The following VPS26A variants were observed in gnomAD, a reference collection of about 807,000 sequenced individuals.
The protein encoded by VPS26A is VPS26 retromer complex component A, also known as vacuolar protein sorting-associated protein 26A.
A neutral mutation model predicts 42.4 loss-of-function variants in VPS26A; 22 were observed. That is an observed-to-expected ratio of 0.52 (90% CI 0.37 to 0.74). The LOEUF (loss-of-function observed/expected upper bound fraction) is 0.74, where lower values mean the gene tolerates loss of function less well. Ranked by LOEUF, VPS26A falls within the 30% of genes least tolerant of loss-of-function variation. The pLI is 0.00. For synonymous variants in VPS26A, 110 were observed against 123.5 expected, an observed-to-expected ratio of 0.89 and a Z score of 0.73; for missense variants, 276 against 379.2, an observed-to-expected ratio of 0.73 and a Z score of 2.26.
At chr10:69,167,652 A>G (rs1841719626) in intron 7 of VPS26A, among the ~76,000 whole-genome samples, 1 of 147,760 alleles carries the variant, frequency 6.8e-6, no homozygotes, top group Non-Finnish European at 1.5e-5. Flanking sequence ...CTGAGGCAGG[A>G]GAATTGGATG....
At chr10:69,131,536 C>G (rs916139077) in intron 1 of VPS26A, among the ~76,000 whole-genome samples, 1 of 152,140 alleles carries the variant, frequency 6.6e-6, no homozygotes, top group African/African-American at 2.4e-5. Context: ...AGATCGAGAC[C>G]GTCCTGGCTA....
intron 2 of VPS26A, among the ~76,000 whole-genome samples, chr10:69,137,288 A>T (rs1026848919): frequency 1.3e-5 from 2 of 152,204 alleles, no homozygotes; most frequent in Non-Finnish European, 2.9e-5. Flanking sequence ...TAACAAATTT[A>T]TGTCTTAGGA....
At position 69,143,626 on chromosome 10, in the gene VPS26A, C is replaced by CTAG. The variant is rs1277043502; in HGVS notation, c.153+10581_153+10582insGTA. The stretch of plus-strand genomic sequence containing the variant: ...CACTGTCTTGTTTATCCTGTCTTCT[C>CTAG]TAAGCTAAATATGCTATTTCCTTTA... On this transcript the variant is annotated intron_variant, in intron 2 of 8. Coordinates refer to ENST00000263559, the MANE Select transcript of VPS26A (RefSeq NM_004896.5). Among the ~76,000 whole-genome samples the CTAG allele has an allele frequency of 2.0e-5, 3 of 152,274 alleles. No homozygotes were observed. In the East Asian group the frequency reaches 5.8e-4, roughly 29 times the overall value.
In VPS26A at chr10:69,172,836, G is replaced by A. The variant is rs963391374; in HGVS notation, c.*1567G>A. The A allele has an allele frequency of 1.3e-5, 2 of 152,484 alleles. No homozygotes were observed. Among genetic ancestry groups the A allele is most frequent in the East Asian group, 1.9e-4 (1 of 5,206 alleles). 9.4% of individuals were successfully genotyped at this position (152,484 alleles called of 1,614,324 possible). ...CAGCCTCAAATTGTGCAACCATGAT[G>A]TATAATAAAGAATTTGAAACAGAAA... On this transcript the variant is annotated 3_prime_UTR_variant, in exon 9 of 9. Transcript: ENST00000263559.
In VPS26A at chr10:69,171,540, C is replaced by G; in HGVS notation, c.*271C>G. 3.5e-6 allele frequency: 1 copy of G among 288,808 alleles called. No homozygotes were observed. The highest frequency in any genetic ancestry group is 5.4e-5 in the Admixed American group (1 of 18,358). 17.9% of individuals were successfully genotyped at this position (288,808 alleles called of 1,614,324 possible). A position where few individuals can be genotyped will look rare whatever the true frequency, so the allele number is the denominator to read the frequency against. Reference sequence around the variant, plus strand: ...TAACTTCCTACTTTGATGATAAGCACTCAGATATATATCAGCGTAAACATG... The same window carrying G: ...TAACTTCCTACTTTGATGATAAGCAGTCAGATATATATCAGCGTAAACATG... On this transcript the variant is annotated 3_prime_UTR_variant, in exon 9 of 9. Transcript: ENST00000263559.
chr10:69,132,938 A>C lies in VPS26A; in HGVS notation c.44A>C (p.Asp15Ala). Residue 15 changes from aspartate (D) to alanine (A), a missense_variant, in exon 2 of 9, where the codon GAT becomes GCT. Physicochemically the swap from Asp to Ala is moderately radical, Grantham distance 126. Transcript: ENST00000263559. Reference sequence around the variant, plus strand: ...TTTTTTGGTCCAATTTGTGAGATCGATATTGTTCTTAATGATGGGGAAACC... The same window carrying C: ...TTTTTTGGTCCAATTTGTGAGATCGCTATTGTTCTTAATGATGGGGAAACC... Reference protein sequence around the residue: ...GGFFGPICEIDIVLNDGETRK... With the variant: ...GGFFGPICEIAIVLNDGETRK... 6.2e-7 allele frequency: 1 copy of C among 1,606,822 alleles called. No individual in the cohort carries two copies. Among genetic ancestry groups the C allele is most frequent in the Non-Finnish European group, 8.5e-7 (1 of 1,178,542 alleles).
intron 2 of VPS26A, among the ~76,000 whole-genome samples, chr10:69,135,237 A>G (rs1308513108): frequency 6.6e-6 from 1 of 152,250 alleles, no homozygotes; most frequent in East Asian, 1.9e-4. Flanking sequence ...AGTGTTGATT[A>G]TATAATAGGC....
Position 69,165,949 on chromosome 10 carries a change from A to G in VPS26A, c.659-93A>G. On this transcript the variant is annotated intron_variant, in intron 6 of 8. Transcript: ENST00000263559. The stretch of plus-strand genomic sequence containing the variant: ...TGATGGAGCGAGACACCGTCTCTAA[A>G]AAAAAATAATGTAGTGGAAAAATAA... 3 of 1,292,078 alleles carry G rather than the reference A, an allele frequency of 2.3e-6. No homozygotes were observed. In the South Asian group the frequency reaches 4.0e-5, roughly 17 times the overall value. 80.0% of individuals were successfully genotyped at this position (1,292,078 alleles called of 1,614,324 possible).
chr10:69,137,882 T>TATATATATATATATATATA (rs1564675546), intron 2 of VPS26A, among the ~76,000 whole-genome samples: 5 of 151,390 alleles, frequency 3.3e-5, no homozygotes, highest in African/African-American at 1.2e-4. Flanking sequence ...TATATATATA[T>TATATATATATATATATATA]TCGCCATAAA....
In VPS26A at chr10:69,168,194, G is replaced by A. The variant is rs981006838; in HGVS notation, c.728-295G>A. On this transcript the variant is annotated intron_variant, in intron 7 of 8. Transcript: ENST00000263559. ...GGGGCAACTTCACCTCACAATGAAT[G>A]TTTGGTGTTGTCTGGAGATATTTTT... 4.6e-5 allele frequency among the ~76,000 whole-genome samples: 7 copies of A among 152,152 alleles called. No individual in the cohort carries two copies. The East Asian group carries it at 1.3e-3, about 29-fold the overall frequency.
chr10:69,155,903 G>A lies in VPS26A; in HGVS notation c.229+16G>A, dbSNP rs191435667. 4 of 1,580,206 alleles carry A rather than the reference G, an allele frequency of 2.5e-6. No individual in the cohort carries two copies. In the African/African-American group the frequency reaches 5.4e-5, roughly 21 times the overall value. ...GGTCAAATTGGTGAGTTTTAAAATA[G>A]TATTATTTCTTTTTCTTTGATAACT... On this transcript the variant is annotated intron_variant, in intron 3 of 8. Coordinates refer to ENST00000263559, the MANE Select transcript of VPS26A (RefSeq NM_004896.5).
intron 2 of VPS26A, among the ~76,000 whole-genome samples, chr10:69,149,335 G>GA (rs1841239048): frequency 6.6e-6 from 1 of 152,082 alleles, no homozygotes; most frequent in Non-Finnish European, 1.5e-5. Flanking sequence ...TAACTGTGAT[G>GA]AAACATCAGA....
intron 2 of VPS26A, among the ~76,000 whole-genome samples, chr10:69,136,184 T>G (rs1589347166): frequency 1.3e-5 from 2 of 152,300 alleles, no homozygotes; most frequent in African/African-American, 4.8e-5. Context: ...TTGATTCTTC[T>G]GGCAAGAATA....
rs1279244187 is a variant in VPS26A at position 69,173,773 on chromosome 10, G to A, written c.*2504G>A. On this transcript the variant is annotated 3_prime_UTR_variant, in exon 9 of 9. Transcript: ENST00000263559. ...CCAGCACTTTGGGAGGCTGAGGCGG[G>A]CAGATCACCTGAGTTCCAGGAGTTC... 6.6e-6 allele frequency among the ~76,000 whole-genome samples: 1 copy of A among 152,052 alleles called. No homozygotes were observed. The highest frequency in any genetic ancestry group is 1.5e-5 in the Non-Finnish European group (1 of 68,006).
intron 2 of VPS26A, 117 bp downstream of exon 2, chr10:69,133,164 C>A: frequency 3.8e-6 from 4 of 1,058,456 alleles, no homozygotes; most frequent in Non-Finnish European, 4.0e-6. Flanking sequence ...ATTTTTTTTT[C>A]CCTAAAGTTC....
chr10:69,168,782 T>C (rs1841750095), intron 8 of VPS26A, 151 bp downstream of exon 8: 1 of 933,360 alleles, frequency 1.1e-6, no homozygotes, highest in Non-Finnish European at 1.5e-6. Flanking sequence ...TAGAGGAGAA[T>C]AGAATCCTAT....
At chr10:69,168,165 T>C (rs1841734355) in intron 7 of VPS26A, among the ~76,000 whole-genome samples, 1 of 152,174 alleles carries the variant, frequency 6.6e-6, no homozygotes, top group Admixed American at 6.5e-5. Flanking sequence ...GTAGTTCTCG[T>C]CTAGGGGCAA....
At chr10:69,131,457 G>A (rs111771892) in intron 1 of VPS26A, among the ~76,000 whole-genome samples, 1 of 151,874 alleles carries the variant, frequency 6.6e-6, no homozygotes, top group East Asian at 1.9e-4. Flanking sequence ...ATTCTGGGCC[G>A]GGCGCGGTGG....
At position 69,171,360 on chromosome 10, in the gene VPS26A, C is replaced by T. The variant is rs536673712; in HGVS notation, c.*91C>T. 98 of 1,059,278 alleles carry T rather than the reference C, an allele frequency of 9.3e-5. 1 individual carries two copies. In the South Asian group the frequency reaches 1.3e-3, roughly 14 times the overall value. The allele number at this position is 1,059,278 out of a possible 1,614,324, so 65.6% of individuals were successfully genotyped here. A position where few individuals can be genotyped will look rare whatever the true frequency, so the allele number is the denominator to read the frequency against. On this transcript the variant is annotated 3_prime_UTR_variant, in exon 9 of 9. Transcript: ENST00000263559. ...TAAAGATGGTTGCAGCTGGAGGGGG[C>T]GGAAAAAGGCCAAAACTCCATATAT...
Sources: allele counts gnomAD v4.1 joint callset (sites outside exome capture counted in the v4.1 genomes callset), GRCh38; gene constraint gnomAD v4.1.1; transcripts MANE v1.5; gene names NCBI Gene and HGNC (gene_info 2026-07-23, HGNC 2026-07-21).